MORN1: variants seen among roughly 807,000 people sequenced by gnomAD.
MORN1 encodes MORN repeat containing 1.
Under a neutral mutation model 61.9 loss-of-function variants are expected in MORN1, and 67 were observed. The ratio of observed to expected loss-of-function variants is 1.08; its 90% CI spans 0.89 to 1.33. MORN1 has a LOEUF of 1.33. Ranked by LOEUF, MORN1 falls within the 40% of genes most tolerant of loss-of-function variation. MORN1 has a pLI of 0.00. For synonymous variants in MORN1, 301 were observed against 292.0 expected, an observed-to-expected ratio of 1.03 and a Z score of -0.31; for missense variants, 752 against 691.2, an observed-to-expected ratio of 1.09 and a Z score of -0.99.
chr1:2,323,429 C>CA, intron 13 of MORN1: 1 of 985,420 alleles, frequency 1.0e-6, no homozygotes, highest in East Asian at 1.1e-4. Flanking sequence ...GCCCAGGTGA[C>CA]AGAGAGGCTC....
intron 8 of MORN1, among the ~76,000 whole-genome samples, chr1:2,369,523 C>T (rs1384621502): frequency 4.0e-5 from 6 of 151,882 alleles, no homozygotes; most frequent in African/African-American, 7.2e-5. Flanking sequence ...ACAATATGAT[C>T]GTATATAGAG....
At chr1:2,385,254 A>C in intron 5 of MORN1, 189 bp from the exon 6 acceptor site, 1 of 604,730 alleles carries the variant, frequency 1.7e-6, no homozygotes, top group Non-Finnish European at 2.9e-6. Flanking sequence ...CGGTGGGGAC[A>C]CGTCCGCCCA....
intron 2 of MORN1, among the ~76,000 whole-genome samples, chr1:2,389,113 C>CAAAAA (rs549291051): frequency 8.8e-6 from 1 of 113,014 alleles, no homozygotes; most frequent in Non-Finnish European, 1.8e-5. Flanking sequence ...ACTCTGTCTC[C>CAAAAA]AAAAAAAAAA....
chr1:2,391,428 G>A (rs1331875162), intron 1 of MORN1, 30 bp downstream of exon 1: 2 of 1,255,732 alleles, frequency 1.6e-6, no homozygotes, highest in Admixed American at 8.4e-5. Context: ...AGGGCAGCCA[G>A]CGACCTGTCC....
intron 8 of MORN1, among the ~76,000 whole-genome samples, chr1:2,368,286 A>G (rs1642038825): frequency 6.6e-6 from 1 of 152,260 alleles, no homozygotes; most frequent in Non-Finnish European, 1.5e-5. Context: ...GAGGTATGGA[A>G]GCGGCAGGGC....
chr1:2,342,542 G>A (rs1641416820), intron 10 of MORN1, among the ~76,000 whole-genome samples: 1 of 152,212 alleles, frequency 6.6e-6, no homozygotes, highest in South Asian at 2.1e-4. Flanking sequence ...ACGCAGGGTG[G>A]GGCCTGGAGA....
At chr1:2,340,857 CCATA>C (rs1372215980) in intron 10 of MORN1, among the ~76,000 whole-genome samples, 4 of 152,366 alleles carry the variant, frequency 2.6e-5, no homozygotes, top group African/African-American at 9.6e-5. Context: ...ACACAGGCTA[CCATA>C]CAAAGGCCAC....
intron 8 of MORN1, among the ~76,000 whole-genome samples, chr1:2,367,362 G>A (rs1365098796): frequency 1.3e-5 from 2 of 150,740 alleles, no homozygotes; most frequent in Non-Finnish European, 3.0e-5. Context: ...GCTTATGCCT[G>A]TGATCCCAGT....
intron 12 of MORN1, among the ~76,000 whole-genome samples, chr1:2,327,506 A>G (rs1030347868): frequency 4.5e-4 from 64 of 141,702 alleles, no homozygotes; most frequent in African/African-American, 1.8e-3. Context: ...AGAAACAAAC[A>G]CAGAGACACA....
Position 2,372,450 on chromosome 1 carries a change from C to A in MORN1, c.745+31G>T. 1 of 1,542,012 alleles carries A rather than the reference C, an allele frequency of 6.5e-7. No homozygotes were observed. Among genetic ancestry groups the A allele is most frequent in the Non-Finnish European group, 8.9e-7 (1 of 1,122,884 alleles). ...CTGCTGCCTGTTTCTCTTTTGGAAA[C>A]GTTAGGTCATCTCCCCCTGGAGATG... On this transcript the variant is annotated intron_variant, in intron 8 of 13. Coordinates refer to ENST00000378531, the MANE Select transcript of MORN1 (RefSeq NM_024848.3). This position sits in a 1 kb window ranked among gnomAD's most constrained non-coding sequence, Gnocchi z 5.4.
At chr1:2,362,399 A>G (rs1641908564) in intron 8 of MORN1, among the ~76,000 whole-genome samples, 1 of 152,132 alleles carries the variant, frequency 6.6e-6, no homozygotes, top group Non-Finnish European at 1.5e-5. Flanking sequence ...GTATGAGTGG[A>G]TCCCACAGTT....
chr1:2,328,050 G>A (rs1342994351), intron 12 of MORN1, among the ~76,000 whole-genome samples: 4 of 152,260 alleles, frequency 2.6e-5, no homozygotes, highest in South Asian at 2.1e-4. Context: ...GGCCTTGGCC[G>A]AGTGCAGGCC....
intron 12 of MORN1, among the ~76,000 whole-genome samples, 177 bp from the exon 13 acceptor site, chr1:2,324,320 T>A (rs1198058251): frequency 6.6e-6 from 1 of 152,192 alleles, no homozygotes; most frequent in Non-Finnish European, 1.5e-5. Flanking sequence ...TCTGGCAGCC[T>A]GCACCCAGCT....
intron 8 of MORN1, among the ~76,000 whole-genome samples, chr1:2,366,552 C>A (rs553273467): frequency 5.2e-4 from 79 of 152,220 alleles, no homozygotes; most frequent in African/African-American, 1.9e-3. Context: ...GAGACAGGAT[C>A]TTGCTCTGTC....
chr1:2,352,699 T>C (rs897291990), intron 10 of MORN1: 1 of 152,296 alleles, frequency 6.6e-6, no homozygotes, highest in African/African-American at 2.4e-5. Context: ...TGGATGTGCA[T>C]GTCTCAGCCA....
At chr1:2,361,472 C>T (rs1178597129) in intron 8 of MORN1, among the ~76,000 whole-genome samples, 1 of 152,032 alleles carries the variant, frequency 6.6e-6, no homozygotes, top group African/African-American at 2.4e-5. Context: ...GCAGGAGAAT[C>T]ATTTGAACCT....
intron 6 of MORN1, chr1:2,378,626 T>A (rs1190350684): frequency 1.4e-5 from 4 of 290,456 alleles, no homozygotes; most frequent in Admixed American, 4.7e-5. Context: ...ACGGCGCAGC[T>A]GATACAGCCA....
Position 2,374,490 on chromosome 1 carries a change from T to C in MORN1, c.605A>G (p.Tyr202Cys), listed in dbSNP as rs1642191439. The change falls in exon 7 of 14, where the codon TAT (tyrosine) becomes TGT (cysteine). Residue 202 changes from tyrosine (Y) to cysteine (C), a missense_variant. Tyr to Cys is a radical substitution (Grantham distance 194). Transcript: ENST00000378531. Reference protein sequence around the residue: ...SMAHCSGVTYYGLWINGHPAE... With the variant: ...SMAHCSGVTYCGLWINGHPAE... ...TGGGTGGCCATTGATCCACAACCCA[T>C]AATAGGTGACCCCTGAGCAGTGGGC... is the stretch of plus-strand genomic sequence containing the variant. 1.9e-6 allele frequency: 3 copies of C among 1,602,666 alleles called. No homozygotes were observed. The highest frequency in any genetic ancestry group is 2.6e-6 in the Non-Finnish European group (3 of 1,175,340).
At chr1:2,325,020 G>A (rs1640972982) in intron 12 of MORN1, among the ~76,000 whole-genome samples, 1 of 151,500 alleles carries the variant, frequency 6.6e-6, no homozygotes, top group African/African-American at 2.4e-5. Flanking sequence ...AGGACGAGGG[G>A]CTGGCTCTGT....
Sources: allele counts gnomAD v4.1 joint callset (sites outside exome capture counted in the v4.1 genomes callset), GRCh38; gene constraint gnomAD v4.1.1; non-coding constraint Gnocchi (gnomAD v3.1); transcripts MANE v1.5; gene names NCBI Gene and HGNC (gene_info 2026-07-23, HGNC 2026-07-21).